WDR87: variants seen among roughly 807,000 people sequenced by gnomAD.
WDR87 encodes the protein WD repeat-containing protein 87.
In WDR87, 56 loss-of-function variants were observed where a neutral mutation model predicts 83.3. The observed-to-expected ratio is 0.67, with a 90% CI of 0.54 to 0.84. The LOEUF is 0.84. Among genes scored for constraint, WDR87 ranks in the 40% least tolerant of loss-of-function variants. The pLI is 0.00. For synonymous variants in WDR87, 1,173 were observed against 1,250.6 expected, an observed-to-expected ratio of 0.94 and a Z score of 1.31; for missense variants, 2,939 against 3,431.9, an observed-to-expected ratio of 0.86 and a Z score of 3.59.
At chr19:37,890,321 C>A in intron 5 of WDR87, 45 bp from the exon 6 acceptor site, 2 of 1,467,574 alleles carry the variant, frequency 1.4e-6, no homozygotes, top group Non-Finnish European at 1.8e-6. Flanking sequence ...GTATGGGAAG[C>A]GACATGAAAC....
chr19:37,886,330 C>G lies in WDR87; in HGVS notation c.7341G>C (p.Val2447=). Residue 2447 remains valine (V), a synonymous_variant, in exon 6 of 6, where the codon GTG becomes GTC. Coordinates refer to ENST00000447313, the MANE Select transcript of WDR87 (RefSeq NM_001291088.2). Reference sequence around the variant, plus strand: ...CTTCCCAGGATATTTGTTTCTCCGGCACTGGCACTGGTGTTTTCTCTTTCA... The same window carrying G: ...CTTCCCAGGATATTTGTTTCTCCGGGACTGGCACTGGTGTTTTCTCTTTCA... ...LEMKEKTPVP[V]PEKQISWEDK... 6.4e-7 allele frequency: 1 copy of G among 1,551,656 alleles called. No homozygotes were observed. The highest frequency in any genetic ancestry group is 8.7e-7 in the Non-Finnish European group (1 of 1,146,996).
chr19:37,899,578 C>T (rs1292189284), intron 1 of WDR87, among the ~76,000 whole-genome samples: 1 of 152,160 alleles, frequency 6.6e-6, no homozygotes, highest in Non-Finnish European at 1.5e-5. Flanking sequence ...GCTAGGACTA[C>T]AGGCATATGC....
At position 37,894,383 on chromosome 19, in the gene WDR87, G is replaced by A. The variant is rs140579920; in HGVS notation, c.1320C>T (p.Arg440=). 1.1e-4 allele frequency: 174 copies of A among 1,551,762 alleles called. No individual in the cohort carries two copies. The African/African-American group carries it at 2.1e-3, about 19-fold the overall frequency. The part of the protein sequence containing the change: ...SSEVLVFDTT[R]CPCPAKYLLG... ...AGAGATACTTGGCTGGGCAAGGGCA[G>A]CGGGTTGTGTCAAATACCAGAACCT... The change falls in exon 4 of 6, where the codon CGC becomes CGT. Residue 440 remains arginine (R), a synonymous_variant. Transcript: ENST00000447313.
Position 37,887,826 on chromosome 19 carries a change from C to CCAG in WDR87, c.5842_5844dup (p.Leu1948dup). 2 of 1,550,964 alleles carry CCAG rather than the reference C, an allele frequency of 1.3e-6. No homozygotes were observed. Among genetic ancestry groups the CCAG allele is most frequent in the Non-Finnish European group, 1.7e-6 (2 of 1,146,908 alleles). The stretch of plus-strand genomic sequence containing the variant: ...TGGACCAATTTTTTCTCTGTTTCAG[C>CCAG]CAGTTTCTCCTTCTTCTTGATCACA... On this transcript the variant is annotated inframe_insertion, in exon 6 of 6. Coordinates refer to ENST00000447313, the MANE Select transcript of WDR87 (RefSeq NM_001291088.2).
chr19:37,903,476 A>G (rs953846501), intron 1 of WDR87, among the ~76,000 whole-genome samples: 3 of 152,192 alleles, frequency 2.0e-5, no homozygotes, highest in African/African-American at 7.2e-5. Context: ...AGAAGTAACG[A>G]CAGTATCCAG....
At position 37,889,629 on chromosome 19, in the gene WDR87, C is replaced by T; in HGVS notation, c.4042G>A (p.Val1348Ile). ...ATTGGTTTCTTCTCTGGCGGGACTA[C>T]ATCCCAATCAAGGTCCTCAAGCAGA... The part of the protein sequence containing the change: ...KVLLEDLDWD[V>I]VPPEKKPIFI... The change falls in exon 6 of 6, where the codon GTA becomes ATA. Residue 1348 changes from valine (V) to isoleucine (I), a missense_variant. By Grantham distance (29) the Val-to-Ile change is conservative. Coordinates refer to ENST00000447313, the MANE Select transcript of WDR87 (RefSeq NM_001291088.2). 1 of 1,551,904 alleles carries T rather than the reference C, an allele frequency of 6.4e-7. No homozygotes were observed. Among genetic ancestry groups the T allele is most frequent in the Non-Finnish European group, 8.7e-7 (1 of 1,147,054 alleles).
Position 37,892,764 on chromosome 19 carries a change from G to T in WDR87, c.2939C>A (p.Ala980Asp). The change falls in exon 4 of 6, where the codon GCT becomes GAT. Residue 980 changes from alanine to aspartate, a missense_variant. By Grantham distance (126) the Ala-to-Asp change is moderately radical. Around this residue, in one of 3 missense-constraint regions of WDR87, gnomAD observed 2,160 missense variants for 2,533.1 expected, o/e 0.85. Transcript: ENST00000447313. ...TCCTAGACGCTTCAGCCCTTCCCAA[G>T]CTAGTTCTCGGATCAGCGGGTTGGA... ...TNSNPLIREL[A>D]WEGLKRLGMI... 6.4e-7 allele frequency: 1 copy of T among 1,551,712 alleles called. No homozygotes were observed. The highest frequency in any genetic ancestry group is 8.7e-7 in the Non-Finnish European group (1 of 1,146,976).
intron 1 of WDR87, among the ~76,000 whole-genome samples, chr19:37,906,283 T>C (rs1435071142): frequency 6.6e-6 from 1 of 152,100 alleles, no homozygotes; most frequent in Admixed American, 6.5e-5. Context: ...CTACAAACAC[T>C]AGTTACCCTC....
intron 1 of WDR87, 116 bp from the exon 2 acceptor site, chr19:37,898,401 G>A (rs1399671433): frequency 3.1e-6 from 4 of 1,308,870 alleles, no homozygotes; most frequent in East Asian, 2.6e-5. Flanking sequence ...GTCAGGAACT[G>A]TGCACAAGAC....
At chr19:37,901,862 C>T (rs1393722650) in intron 1 of WDR87, among the ~76,000 whole-genome samples, 3 of 151,714 alleles carry the variant, frequency 2.0e-5, no homozygotes, top group African/African-American at 4.8e-5. Flanking sequence ...CACAGGCACA[C>T]ACCCCCATGC....
chr19:37,889,549 C>G lies in WDR87; in HGVS notation c.4122G>C (p.Glu1374Asp). Residue 1374 changes from glutamate (E) to aspartate (D), a missense_variant, in exon 6 of 6, where the codon GAG becomes GAC. Transcript: ENST00000447313. The stretch of plus-strand genomic sequence containing the variant: ...GCATCACTTCCTTGTGTCTGATCAC[C>G]TCTTGGGTCACACCTTGTATCATGT... ...REDMIQGVTQ[E>D]VIRHKEVMPR... The G allele has an allele frequency of 6.4e-7, 1 of 1,551,722 alleles. No homozygotes were observed. Among genetic ancestry groups the G allele is most frequent in the East Asian group, 2.4e-5 (1 of 40,912 alleles).
Position 37,898,193 on chromosome 19 carries a change from AG to A in WDR87, c.46del (p.Leu16SerfsTer2). On this transcript the variant is annotated frameshift_variant, in exon 2 of 6. Coordinates refer to ENST00000447313, the MANE Select transcript of WDR87 (RefSeq NM_001291088.2). LOFTEE classifies it high-confidence loss of function. ...LIPLWKDLKL[L>X]LNDTINKSKQ... Reference sequence around the variant, plus strand: ...GCTTTTATTTATGGTGTCATTTAGGAGGAGTTTTAAATCTTTCCACAGGGGA... The same window carrying A: ...GCTTTTATTTATGGTGTCATTTAGGAGAGTTTTAAATCTTTCCACAGGGGA... 1 of 1,551,734 alleles carries A rather than the reference AG, an allele frequency of 6.4e-7. No individual in the cohort carries two copies. The highest frequency in any genetic ancestry group is 8.7e-7 in the Non-Finnish European group (1 of 1,146,998).
chr19:37,906,192 G>A (rs1438192073), intron 1 of WDR87, among the ~76,000 whole-genome samples: 1 of 152,194 alleles, frequency 6.6e-6, no homozygotes, highest in Non-Finnish European at 1.5e-5. Flanking sequence ...AAAAAGGAGT[G>A]TGTGTTGCGG....
In WDR87 at chr19:37,887,225, C is replaced by G; in HGVS notation, c.6446G>C (p.Arg2149Thr). ...CAGCTTACTCTGTTCTATACTCAAC[C>G]TGCGCTCCTTAACAAAGAGTGCCCT... The part of the protein sequence containing the change: ...MKRALFVKER[R>T]LSIEQSKLDI... Residue 2149 changes from arginine (R) to threonine (T), a missense_variant, in exon 6 of 6, where the codon AGG becomes ACG. Coordinates refer to ENST00000447313, the MANE Select transcript of WDR87 (RefSeq NM_001291088.2). The G allele has an allele frequency of 6.4e-7, 1 of 1,551,904 alleles. No homozygotes were observed. The highest frequency in any genetic ancestry group is 8.7e-7 in the Non-Finnish European group (1 of 1,147,050).
In WDR87 at chr19:37,888,531, C is replaced by T; in HGVS notation, c.5140G>A (p.Glu1714Lys). ...CCTTTCTTTGCTAGTTTCTCTTCTT[C>T]TCTAGCCACTTTCTCCCATTTCTTG... ...LAKKWEKVAR[E>K]EEKLAKKGGK... The change falls in exon 6 of 6, where the codon GAA becomes AAA. Residue 1714 changes from glutamate (E) to lysine (K), a missense_variant. Physicochemically the swap from Glu to Lys is moderately conservative, Grantham distance 56. This residue lies in a region of WDR87 where 2,160 missense variants were observed against 2,533.1 expected (regional missense o/e 0.85). Transcript: ENST00000447313. The T allele has an allele frequency of 1.3e-6, 2 of 1,551,708 alleles. No homozygotes were observed. Among genetic ancestry groups the T allele is most frequent in the Non-Finnish European group, 8.7e-7 (1 of 1,147,002 alleles).
At position 37,887,815 on chromosome 19, in the gene WDR87, C is replaced by A; in HGVS notation, c.5856G>T (p.Glu1952Asp). 6.4e-7 allele frequency: 1 copy of A among 1,550,636 alleles called. No individual in the cohort carries two copies. The highest frequency in any genetic ancestry group is 2.4e-5 in the East Asian group (1 of 40,884). ...IKKKEKLAET[E>D]KKLVQVEDSL... Reference sequence around the variant, plus strand: ...TATCCTCTACTTGGACCAATTTTTTCTCTGTTTCAGCCAGTTTCTCCTTCT... The same window carrying A: ...TATCCTCTACTTGGACCAATTTTTTATCTGTTTCAGCCAGTTTCTCCTTCT... The change falls in exon 6 of 6, where the codon GAG (glutamate) becomes GAT (aspartate). Residue 1952 changes from glutamate to aspartate, a missense_variant. Coordinates refer to ENST00000447313, the MANE Select transcript of WDR87 (RefSeq NM_001291088.2).
chr19:37,895,562 G>A (rs772206528), intron 3 of WDR87, 106 bp from the exon 4 acceptor site: 55 of 991,888 alleles, frequency 5.5e-5, no homozygotes, highest in Non-Finnish European at 6.7e-5. Context: ...GAGGTCAGGA[G>A]TTCGAGAGCA....
At position 37,894,878 on chromosome 19, in the gene WDR87, T is replaced by C. The variant is rs1568454628; in HGVS notation, c.825A>G (p.Pro275=). Residue 275 remains proline (P), a synonymous_variant, in exon 4 of 6, where the codon CCA becomes CCG. Coordinates refer to ENST00000447313, the MANE Select transcript of WDR87 (RefSeq NM_001291088.2). ...IQVWSLQQGH[P]LHSFQAHQSG... ...ATTGATGGGCCTGGAAACTGTGGAG[T>C]GGATGGCCCTGCTGGAGGCTCCAAA... 2.6e-6 allele frequency: 4 copies of C among 1,551,416 alleles called. No individual in the cohort carries two copies.
At chr19:37,895,910 G>T in intron 3 of WDR87, 1 of 544,182 alleles carries the variant, frequency 1.8e-6, no homozygotes, top group Non-Finnish European at 3.2e-6. Context: ...TTGGAAATAC[G>T]GTAGAGGCAG....
Sources: gnomAD v4.1 joint callset for allele counts (sites outside exome capture counted in the v4.1 genomes callset) on GRCh38, gnomAD v4.1.1 for gene constraint, gnomAD v4.1.1 regional missense constraint, MANE v1.5 for transcripts, NCBI Gene and HGNC (gene_info 2026-07-23, HGNC 2026-07-21) for gene names.